SPTBN1: variants seen among roughly 807,000 people sequenced by gnomAD.
SPTBN1 encodes the protein spectrin beta, non-erythrocytic 1, also known as spectrin beta chain, non-erythrocytic 1.
SPTBN1 carries 32 observed loss-of-function variants against 266.4 expected under a neutral mutation model. The observed-to-expected ratio is 0.12, with a 90% CI of 0.09 to 0.16. The LOEUF is 0.16. SPTBN1 is among the 10% of genes least tolerant of loss of function. The pLI is 1.00. For synonymous variants in SPTBN1, 1,336 were observed against 1,162.2 expected (o/e 1.15, Z -3.04); for missense variants, 2,296 against 3,067.1 (o/e 0.75, Z 5.94).
At chr2:54,538,206 G>C (rs1358521353) in intron 2 of SPTBN1, among the ~76,000 whole-genome samples, 1 of 152,182 alleles carries the variant, frequency 6.6e-6, no homozygotes, top group Non-Finnish European at 1.5e-5. Context: ...ACAAACATTA[G>C]CGTTTCAGTC....
chr2:54,605,236 G>C (rs1676762783), intron 3 of SPTBN1, among the ~76,000 whole-genome samples: 2 of 152,168 alleles, frequency 1.3e-5, no homozygotes, highest in Admixed American at 1.3e-4. Flanking sequence ...TTAAAAAAAT[G>C]AAAACCAGCC....
At chr2:54,483,649 C>T (rs540451651) in intron 1 of SPTBN1, among the ~76,000 whole-genome samples, 1 of 152,274 alleles carries the variant, frequency 6.6e-6, no homozygotes, top group African/African-American at 2.4e-5. Flanking sequence ...AAAGAAAATG[C>T]CAAGTGTTCC....
Position 54,660,047 on chromosome 2 carries a change from C to T in SPTBN1, c.6420+48C>T, listed in dbSNP as rs377052611. 12 of 1,614,098 alleles carry T rather than the reference C, an allele frequency of 7.4e-6. No individual in the cohort carries two copies. The African/African-American group carries it at 1.5e-4, about 20-fold the overall frequency. On this transcript the variant is annotated intron_variant, in intron 32 of 35. Transcript: ENST00000356805. ...ACCAAAACTACAAAAACTTTAATAG[C>T]AGACGGACAGCCAGTGACCAGCCAT...
In SPTBN1 at chr2:54,522,662, G is replaced by GAA. The variant is rs1199710254; in HGVS notation, c.-47-3709_-47-3708insAA. ...AAAGAAAGAAAGAGAGAGAGAAAGA[G>GAA]AGAGAGAGAGAGAGAGGAGAGAGAG... On this transcript the variant is annotated intron_variant, in intron 1 of 35. Coordinates refer to ENST00000356805, the MANE Select transcript of SPTBN1 (RefSeq NM_003128.3). Among the ~76,000 whole-genome samples the GAA allele has an allele frequency of 4.9e-3, 398 of 80,552 alleles. 1 individual carries two copies. The highest frequency in any genetic ancestry group is 0.015 in the African/African-American group (336 of 23,102). The allele number at this position is 80,552 out of a possible 152,430, so 52.8% of individuals were successfully genotyped here. A position where few individuals can be genotyped will look rare whatever the true frequency, so the allele number is the denominator to read the frequency against.
chr2:54,629,838 CT>C, intron 14 of SPTBN1, 35 bp downstream of exon 14: 5 of 1,612,530 alleles, frequency 3.1e-6, no homozygotes, highest in Non-Finnish European at 4.2e-6. Flanking sequence ...TGGCCTGTTC[CT>C]TGTGACCACC....
At chr2:54,536,670 G>A (rs1671621334) in intron 2 of SPTBN1, among the ~76,000 whole-genome samples, 1 of 152,144 alleles carries the variant, frequency 6.6e-6, no homozygotes, top group African/African-American at 2.4e-5. Context: ...GGTCCTTCTG[G>A]TTGTAAGGAA....
In SPTBN1 at chr2:54,533,675, C is replaced by T. The variant is rs1255850580; in HGVS notation, c.148+7109C>T. Among the ~76,000 whole-genome samples, 8 of 152,006 alleles carry T rather than the reference C, an allele frequency of 5.3e-5. No homozygotes were observed. Among genetic ancestry groups the T allele is most frequent in the Non-Finnish European group, 7.4e-5 (5 of 67,988 alleles). ...AAGTGATTCTCCTGCCTCAGCTTCC[C>T]GAGTAGCTGGGACTACAGGCACCCG... is the stretch of plus-strand genomic sequence containing the variant. On this transcript the variant is annotated intron_variant, in intron 2 of 35. Coordinates refer to ENST00000356805, the MANE Select transcript of SPTBN1 (RefSeq NM_003128.3). This position sits in a 1 kb window ranked among gnomAD's most constrained non-coding sequence, Gnocchi z 4.2.
chr2:54,655,814 G>T, intron 28 of SPTBN1, 100 bp from the exon 29 acceptor site: 1 of 825,978 alleles, frequency 1.2e-6, no homozygotes, highest in Non-Finnish European at 2.0e-6. Context: ...GCTTAATGGT[G>T]GTCTTTGCAG....
At position 54,542,391 on chromosome 2, in the gene SPTBN1, T is replaced by TTTAGCC. The variant is rs1671988875; in HGVS notation, c.148+15828_148+15833dup. On this transcript the variant is annotated intron_variant, in intron 2 of 35. Coordinates refer to ENST00000356805, the MANE Select transcript of SPTBN1 (RefSeq NM_003128.3). Reference sequence around the variant, plus strand: ...CGAGGAGTGCCGTGGTGCCAAAGAGTTTAGCCTTTATCCTGTAGGCCAGTG... The same window carrying TTTAGCC: ...CGAGGAGTGCCGTGGTGCCAAAGAGTTTAGCCTTAGCCTTTATCCTGTAGGCCAGTG... Among the ~76,000 whole-genome samples the TTTAGCC allele has an allele frequency of 1.3e-5, 2 of 152,062 alleles. 1 individual carries two copies. The highest frequency in any genetic ancestry group is 1.3e-4 in the Admixed American group (2 of 15,268).
chr2:54,606,723 TG>T (rs1229698030), intron 3 of SPTBN1, among the ~76,000 whole-genome samples: 1 of 152,224 alleles, frequency 6.6e-6, no homozygotes. Flanking sequence ...TATGCAGTTC[TG>T]TGACTGCTGG....
At chr2:54,456,980 G>A (rs1238682542) in intron 1 of SPTBN1, among the ~76,000 whole-genome samples, 1 of 151,084 alleles carries the variant, frequency 6.6e-6, no homozygotes. Context: ...CCTCTCTGTG[G>A]CCCCGCGGGT....
chr2:54,461,891 G>A (rs538731720), intron 1 of SPTBN1, among the ~76,000 whole-genome samples: 1 of 152,214 alleles, frequency 6.6e-6, no homozygotes, highest in East Asian at 1.9e-4. Flanking sequence ...TTGATGATCG[G>A]TTATTTGTAA....
At chr2:54,651,726 A>G (rs917266504) in intron 26 of SPTBN1, among the ~76,000 whole-genome samples, 2 of 152,234 alleles carry the variant, frequency 1.3e-5, no homozygotes, top group Non-Finnish European at 2.9e-5. Context: ...GTTTTGAAAA[A>G]TATGGTTCAT....
At chr2:54,617,572 T>A in intron 5 of SPTBN1, 36 bp from the exon 6 acceptor site, 1 of 1,602,444 alleles carries the variant, frequency 6.2e-7, no homozygotes. Context: ...CATGTGGTAA[T>A]TGTGTTGCTT....
chr2:54,640,812 A>G (rs1187094449), intron 18 of SPTBN1, among the ~76,000 whole-genome samples: 1 of 152,238 alleles, frequency 6.6e-6, no homozygotes, highest in Non-Finnish European at 1.5e-5. Flanking sequence ...TTGGCCTCCC[A>G]AAGTGCTGGG....
Position 54,650,004 on chromosome 2 carries a change from C to T in SPTBN1, c.5577+15C>T, listed in dbSNP as rs752580550. The stretch of plus-strand genomic sequence containing the variant: ...TGGGCACACAGGTGGGTATGGCAGC[C>T]ACCCAGGGGTGCTGGGGAGGCTTTT... On this transcript the variant is annotated intron_variant, in intron 26 of 35. Coordinates refer to ENST00000356805, the MANE Select transcript of SPTBN1 (RefSeq NM_003128.3). 1.9e-6 allele frequency: 3 copies of T among 1,594,760 alleles called. No homozygotes were observed. Among genetic ancestry groups the T allele is most frequent in the Non-Finnish European group, 2.6e-6 (3 of 1,169,600 alleles).
chr2:54,459,580 C>G (rs942269130), intron 1 of SPTBN1, among the ~76,000 whole-genome samples: 8 of 149,408 alleles, frequency 5.4e-5, no homozygotes, highest in Admixed American at 3.3e-4. Flanking sequence ...ATAGCATATT[C>G]TTATAGAACA....
intron 2 of SPTBN1, among the ~76,000 whole-genome samples, chr2:54,570,540 C>T (rs995034058): frequency 1.3e-5 from 2 of 151,942 alleles, no homozygotes; most frequent in African/African-American, 2.4e-5. Context: ...TGGCTGAATC[C>T]CCCTCCCTCC....
intron 2 of SPTBN1, among the ~76,000 whole-genome samples, chr2:54,583,190 C>G (rs528158966): frequency 2.0e-5 from 3 of 152,024 alleles, no homozygotes; most frequent in Non-Finnish European, 4.4e-5. Context: ...GCTTTGACCC[C>G]TTGACTCACC....
Sources: gnomAD v4.1 joint callset for allele counts (sites outside exome capture counted in the v4.1 genomes callset) on GRCh38, gnomAD v4.1.1 for gene constraint, Gnocchi (gnomAD v3.1) non-coding constraint, MANE v1.5 for transcripts, NCBI Gene and HGNC (gene_info 2026-07-23, HGNC 2026-07-21) for gene names.